Variants in SPAG11B observed in about 807,000 individuals in gnomAD.
The protein encoded by SPAG11B is sperm-associated antigen 11B.
Under a neutral mutation model 8.9 loss-of-function variants are expected in SPAG11B, and 5 were observed. The observed-to-expected ratio is 0.56, with a 90% confidence interval of 0.29 to 1.19. The LOEUF (loss-of-function observed/expected upper bound fraction) is 1.19. Ranked by LOEUF, SPAG11B falls within the 50% of genes most tolerant of loss-of-function variation. The probability of loss-of-function intolerance (pLI) is 0.08; values close to 1 mark genes in which losing one functional copy is unlikely to be tolerated. For missense variants in SPAG11B, 38 were observed against 146.4 expected, an observed-to-expected ratio of 0.26 and a Z score of 3.82; for synonymous variants, 12 against 53.0, an observed-to-expected ratio of 0.23 and a Z score of 3.36.
intron 2 of SPAG11B, among the ~76,000 whole-genome samples, chr8:7,458,924 C>T (rs1468383484): frequency 1.1e-4 from 6 of 53,062 alleles, no homozygotes; most frequent in East Asian, 7.5e-4. Context: ...CCTGGCCGGG[C>T]GCGGTGGCTC....
Position 7,451,124 on chromosome 8 carries a change from C to CT in SPAG11B, c.215-225dup, listed in dbSNP as rs756346454. The CT allele has an allele frequency of 5.1e-6, 8 of 1,555,888 alleles. 1 individual carries two copies. In the African/African-American group the frequency reaches 1.0e-4, roughly 20 times the overall value. On this transcript the variant is annotated intron_variant, in intron 2 of 2. Transcript: ENST00000398462. ...TAGGGTGTGTTTTATGAATGCTCAC[C>CT]TGGCCCATCTAGGCCCTAAAAAGTC...
intron 2 of SPAG11B, chr8:7,452,435 A>T: frequency 3.3e-5 from 1 of 30,168 alleles, no homozygotes; most frequent in Non-Finnish European, 5.5e-5. Flanking sequence ...GGGAATACTG[A>T]TCAGCATGAG....
chr8:7,448,557 C>A (rs1809944439), downstream of SPAG11B, among the ~76,000 whole-genome samples: 1 of 150,202 alleles, frequency 6.7e-6, no homozygotes, highest in Non-Finnish European at 1.5e-5. Flanking sequence ...AGGGGCGGAA[C>A]AAGAAAGTAA....
chr8:7,452,783 G>C (rs1466257179), intron 2 of SPAG11B, among the ~76,000 whole-genome samples: 1 of 89,686 alleles, frequency 1.1e-5, no homozygotes, highest in Non-Finnish European at 2.2e-5. Context: ...TGCATTAGGA[G>C]ACATGTGCAC....
In SPAG11B at chr8:7,450,842, T is replaced by C. The variant is rs1810089855; in HGVS notation, c.273A>G (p.Arg91=). The change falls in exon 3 of 3, where the codon AGA becomes AGG. Residue 91 remains arginine, a synonymous_variant. Transcript: ENST00000398462. ...TCTCACCAGAATGGCAGAAAAAAAG[T>C]CTGCAGATCCCTTGCTGCATATGGC... ...TICHMQQGIC[R]LFFCHSGEKK... is the part of the protein sequence containing the mutation. 7.5e-6 allele frequency: 12 copies of C among 1,601,592 alleles called. No homozygotes were observed. The highest frequency in any genetic ancestry group is 1.0e-5 in the Non-Finnish European group (12 of 1,174,662).
chr8:7,458,594 A>AC (rs1810583406), intron 2 of SPAG11B, among the ~76,000 whole-genome samples: 1 of 89,918 alleles, frequency 1.1e-5, no homozygotes, highest in Non-Finnish European at 2.1e-5. Flanking sequence ...ACGTTGAGAA[A>AC]GAAAGGGACT....
At chr8:7,453,908 C>T (rs2737561) in intron 2 of SPAG11B, among the ~76,000 whole-genome samples, 4 of 148,634 alleles carry the variant, frequency 2.7e-5, no homozygotes, top group Middle Eastern at 3.6e-3. Context: ...TGACCCTCCA[C>T]CAAAAAAAAA....
chr8:7,451,676 A>G (rs1352465203), intron 2 of SPAG11B, among the ~76,000 whole-genome samples: 1 of 129,048 alleles, frequency 7.7e-6, no homozygotes, highest in African/African-American at 2.9e-5. Context: ...CCTTTAGTCA[A>G]GACAGAAGAG....
chr8:7,451,143 A>G, intron 2 of SPAG11B: 1 of 1,559,676 alleles, frequency 6.4e-7, no homozygotes, highest in Non-Finnish European at 8.7e-7. Context: ...CTAGGCCCTA[A>G]AAAGTCCACA....
downstream of SPAG11B, among the ~76,000 whole-genome samples, chr8:7,449,420 G>A (rs943840681): frequency 5.5e-5 from 8 of 146,532 alleles, no homozygotes; most frequent in Non-Finnish European, 1.2e-4. Context: ...CCAGTTCTGA[G>A]GCATGCACGT....
At chr8:7,448,786 C>CCCCTCCCCTTCCCTTCCCTT (rs1809959827), downstream of SPAG11B, among the ~76,000 whole-genome samples, 4 of 127,094 alleles carry the variant, frequency 3.1e-5, no homozygotes, top group African/African-American at 1.2e-4. Context: ...CCCCTCTCCT[C>CCCCTCCCCTTCCCTTCCCTT]CCCTTCCCTT....
chr8:7,459,432 G>T (rs1292970555), intron 2 of SPAG11B, among the ~76,000 whole-genome samples: 2 of 145,196 alleles, frequency 1.4e-5, no homozygotes, highest in Non-Finnish European at 3.0e-5. Context: ...CACACAGATC[G>T]GTTCTTTCTG....
intron 2 of SPAG11B, 155 bp from the exon 3 acceptor site, chr8:7,451,055 A>G (rs1466557952): frequency 2.0e-6 from 3 of 1,503,606 alleles, no homozygotes; most frequent in Middle Eastern, 1.8e-4. Context: ...TTAGCTTTAA[A>G]ACAGGAACGA....
downstream of SPAG11B, among the ~76,000 whole-genome samples, chr8:7,448,476 AG>A (rs1438653400): frequency 6.6e-6 from 1 of 151,988 alleles, no homozygotes; most frequent in Non-Finnish European, 1.5e-5. Context: ...AGGACATTTT[AG>A]GACTGAGTTC....
intron 2 of SPAG11B, chr8:7,451,248 G>C: frequency 7.4e-7 from 1 of 1,349,538 alleles, no homozygotes; most frequent in Non-Finnish European, 1.0e-6. Context: ...GTCCAGAATA[G>C]GACAGGTCTT....
chr8:7,453,032 A>C (rs1447092698), intron 2 of SPAG11B, among the ~76,000 whole-genome samples: 2 of 145,722 alleles, frequency 1.4e-5, no homozygotes, highest in East Asian at 2.0e-4. Flanking sequence ...AAGAGCCAGG[A>C]TATTGTCTAC....
downstream of SPAG11B, among the ~76,000 whole-genome samples, chr8:7,450,236 A>G (rs541589251): frequency 3.4e-4 from 48 of 140,210 alleles, no homozygotes; most frequent in African/African-American, 9.7e-4. Context: ...CGTAAGAGTA[A>G]ATGCTTGAAA....
chr8:7,459,218 C>CAA (rs1183092233), intron 2 of SPAG11B, among the ~76,000 whole-genome samples: 1 of 1,514 alleles, frequency 6.6e-4, no homozygotes, highest in African/African-American at 2.8e-3. Context: ...AACTCTGTCT[C>CAA]AAAAAAAAAA....
chr8:7,449,492 C>T (rs1305547047), downstream of SPAG11B, among the ~76,000 whole-genome samples: 1 of 150,132 alleles, frequency 6.7e-6, no homozygotes, highest in African/African-American at 2.5e-5. Context: ...AAGTCATTCC[C>T]TTCAGGGATG....
Sources: gnomAD v4.1 joint callset for allele counts (sites outside exome capture counted in the v4.1 genomes callset) on GRCh38, gnomAD v4.1.1 for gene constraint, MANE v1.5 for transcripts, NCBI Gene and HGNC (gene_info 2026-07-23, HGNC 2026-07-21) for gene names.